Variants in ABCC12 observed in about 807,000 individuals in gnomAD.
ABCC12 encodes the protein ATP-binding cassette sub-family C member 12.
In ABCC12, 142 loss-of-function variants were observed where a neutral mutation model predicts 151.1. That is an observed-to-expected ratio of 0.94 (90% confidence interval 0.82 to 1.08). ABCC12 has a LOEUF of 1.08. Ranked by LOEUF, ABCC12 falls within the 50% of genes least tolerant of loss-of-function variation. ABCC12 has a pLI of 0.00. For missense variants in ABCC12, 1,638 were observed against 1,691.1 expected (o/e 0.97, Z 0.55); for synonymous variants, 645 against 646.4 (o/e 1.00, Z 0.03).
intron 7 of ABCC12, 27 bp downstream of exon 7, chr16:48,139,136 G>A (rs766501625): frequency 6.4e-7 from 1 of 1,559,982 alleles, no homozygotes; most frequent in Non-Finnish European, 8.7e-7. Context: ...ATACAAAGCA[G>A]TTAGAAGCGC....
Position 48,130,465 on chromosome 16 carries a change from T to C in ABCC12, c.1236+323A>G, listed in dbSNP as rs151260756. On this transcript the variant is annotated intron_variant, in intron 10 of 30. Transcript: ENST00000311303. Reference sequence around the variant, plus strand: ...CATGCCCATTAAAGAACAAACTAGGTAAAGTGGGGATGACTCAGAACAAAA... The same window carrying C: ...CATGCCCATTAAAGAACAAACTAGGCAAAGTGGGGATGACTCAGAACAAAA... 3.7e-3 allele frequency among the ~76,000 whole-genome samples: 564 copies of C among 152,256 alleles called. 2 individuals carry two copies. Among genetic ancestry groups the C allele is most frequent in the Middle Eastern group, 0.027 (8 of 294 alleles).
chr16:48,085,643 C>A lies in ABCC12; in HGVS notation c.3778G>T (p.Gly1260Trp), dbSNP rs1224375057. 1 of 1,614,172 alleles carries A rather than the reference C, an allele frequency of 6.2e-7. No individual in the cohort carries two copies. The highest frequency in any genetic ancestry group is 8.5e-7 in the Non-Finnish European group (1 of 1,180,032). The change falls in exon 29 of 31, where the codon GGG (glycine) becomes TGG (tryptophan). Residue 1260 changes from glycine to tryptophan, a missense_variant. Transcript: ENST00000311303. The stretch of plus-strand genomic sequence containing the variant: ...GCCACACAAAGCAGCTGACGTTCCC[C>A]TACTGAGAAGTTTTCTCCATTTTCT... ...VTENGENFSV[G>W]ERQLLCVARA... is the part of the protein sequence containing the mutation.
chr16:48,135,036 C>T (rs150995572), intron 8 of ABCC12, among the ~76,000 whole-genome samples: 5 of 145,968 alleles, frequency 3.4e-5, no homozygotes, highest in African/African-American at 7.6e-5. Context: ...TGGGCGAGAG[C>T]GAGACTCTGT....
At chr16:48,087,025 G>T in intron 27 of ABCC12, 1 of 519,000 alleles carries the variant, frequency 1.9e-6, no homozygotes, top group East Asian at 3.2e-5. Context: ...CTCTGCAATG[G>T]AGCAGAGACC....
chr16:48,087,955 C>T lies in ABCC12; in HGVS notation c.3606G>A (p.Gln1202=). The T allele has an allele frequency of 1.9e-6, 3 of 1,614,162 alleles. No homozygotes were observed. Among genetic ancestry groups the T allele is most frequent in the Non-Finnish European group, 2.5e-6 (3 of 1,180,014 alleles). The part of the protein sequence containing the change: ...DLRTKLTVIP[Q]DPVLFVGTVR... ...CTGTACCTACAAACAGGACAGGATCCTGTGGGATCACAGTCAGCTTGGTTC... is the reference window on the plus strand; with the variant it reads ...CTGTACCTACAAACAGGACAGGATCTTGTGGGATCACAGTCAGCTTGGTTC... The change falls in exon 27 of 31, where the codon CAG becomes CAA. Residue 1202 remains glutamine (Q), a synonymous_variant. Coordinates refer to ENST00000311303, the MANE Select transcript of ABCC12 (RefSeq NM_001393797.1).
intron 1 of ABCC12, among the ~76,000 whole-genome samples, chr16:48,154,116 C>A (rs542314042): frequency 6.6e-6 from 1 of 152,210 alleles, no homozygotes; most frequent in East Asian, 1.9e-4. Context: ...CTGTTCTTGG[C>A]ATTGTGTTTT....
At chr16:48,147,671 T>C (rs1596633076) in intron 2 of ABCC12, among the ~76,000 whole-genome samples, 1 of 152,224 alleles carries the variant, frequency 6.6e-6, no homozygotes, top group Non-Finnish European at 1.5e-5. Context: ...CTATCTCATC[T>C]GGGGCACTCT....
chr16:48,091,657 T>G (rs546284267), intron 24 of ABCC12, among the ~76,000 whole-genome samples: 1 of 152,212 alleles, frequency 6.6e-6, no homozygotes, highest in East Asian at 1.9e-4. Context: ...CAGAAAACCA[T>G]CAAGCCTGTC....
chr16:48,130,534 G>GA (rs1343558184), intron 10 of ABCC12, among the ~76,000 whole-genome samples: 1 of 152,160 alleles, frequency 6.6e-6, no homozygotes, highest in Non-Finnish European at 1.5e-5. Flanking sequence ...GATTGTTTAG[G>GA]AAAAAGAGGA....
chr16:48,124,467 G>C (rs1006305690), intron 11 of ABCC12, among the ~76,000 whole-genome samples, 183 bp from the exon 12 acceptor site: 1 of 152,234 alleles, frequency 6.6e-6, no homozygotes, highest in African/African-American at 2.4e-5. Flanking sequence ...CTGGGAGGAT[G>C]CAGGAATGTA....
Position 48,081,866 on chromosome 16 carries a change from GGTGTCCAGT to G in ABCC12, c.*1840_*1848del, listed in dbSNP as rs773909257. Among the ~76,000 whole-genome samples the G allele has an allele frequency of 7.9e-5, 12 of 152,166 alleles. No individual in the cohort carries two copies. Among genetic ancestry groups the G allele is most frequent in the Non-Finnish European group, 1.5e-4 (10 of 68,024 alleles). ...GAAATCACAGACTGATTATCTGGCT[GGTGTCCAGT>G]TGGTAGAAAGTAAAGCATCCCTCCC... On this transcript the variant is annotated 3_prime_UTR_variant, in exon 31 of 31. Coordinates refer to ENST00000311303, the MANE Select transcript of ABCC12 (RefSeq NM_001393797.1).
At chr16:48,132,116 T>G (rs756644889) in intron 9 of ABCC12, among the ~76,000 whole-genome samples, 2 of 152,216 alleles carry the variant, frequency 1.3e-5, no homozygotes, top group South Asian at 4.1e-4. Context: ...TGCTCTCAAT[T>G]TGATTTCAAG....
chr16:48,096,611 G>T, intron 24 of ABCC12, 135 bp downstream of exon 24: 1 of 897,856 alleles, frequency 1.1e-6, no homozygotes, highest in South Asian at 1.6e-5. Context: ...TTTTAATGAT[G>T]TGAGCCACTA....
At chr16:48,088,853 C>A (rs1209753790) in intron 25 of ABCC12, 119 bp from the exon 26 acceptor site, 2 of 819,776 alleles carry the variant, frequency 2.4e-6, no homozygotes, top group East Asian at 2.9e-5. Context: ...TGAAATAAAC[C>A]AATAATGACC....
In ABCC12 at chr16:48,140,775, G is replaced by A. The variant is rs535991858; in HGVS notation, c.569C>T (p.Thr190Met). 97 of 1,614,178 alleles carry A rather than the reference G, an allele frequency of 6.0e-5. No individual in the cohort carries two copies. The East Asian group carries it at 1.1e-3, about 19-fold the overall frequency. ...GAGCGCCACCTTCAACCGGATGGCC[G>A]TGCGGTAGTTGATGGCCCAGGCAAG... Reference protein sequence around the residue: ...WALAWAINYRTAIRLKVALST... With the variant: ...WALAWAINYRMAIRLKVALST... The change falls in exon 6 of 31, where the codon ACG (threonine) becomes ATG (methionine). Residue 190 changes from threonine (T) to methionine (M), a missense_variant. Coordinates refer to ENST00000311303, the MANE Select transcript of ABCC12 (RefSeq NM_001393797.1).
At chr16:48,099,505 G>A (rs1963228841) in intron 23 of ABCC12, among the ~76,000 whole-genome samples, 1 of 152,166 alleles carries the variant, frequency 6.6e-6, no homozygotes, top group Non-Finnish European at 1.5e-5. Flanking sequence ...GGGTGTGTTG[G>A]CATTTTAAGG....
At chr16:48,096,985 A>C (rs1963122642) in intron 23 of ABCC12, 83 bp from the exon 24 acceptor site, 1 of 1,559,418 alleles carries the variant, frequency 6.4e-7, no homozygotes, top group Non-Finnish European at 8.8e-7. Context: ...CTGTAGACTT[A>C]AGGTTAGGGT....
Position 48,083,724 on chromosome 16 carries a change from G to T in ABCC12, c.4071C>A (p.Val1357=). The change falls in exon 31 of 31, where the codon GTC becomes GTA. Residue 1357 remains valine, a synonymous_variant. Coordinates refer to ENST00000311303, the MANE Select transcript of ABCC12 (RefSeq NM_001393797.1). ...SAFAMLLAAE[V]RL is the part of the protein sequence containing the mutation. ...TCAGCCGCCAGGACCTCTACAATCT[G>T]ACTTCTGCTGCTAGTAACATCGCAA... is the stretch of plus-strand genomic sequence containing the variant. 6.2e-7 allele frequency: 1 copy of T among 1,614,122 alleles called. No homozygotes were observed. The highest frequency in any genetic ancestry group is 1.1e-5 in the South Asian group (1 of 91,058).
At position 48,087,929 on chromosome 16, in the gene ABCC12, AC is replaced by A; in HGVS notation, c.3631del (p.Val1211Ter). On this transcript the variant is annotated frameshift_variant, in exon 27 of 31. Coordinates refer to ENST00000311303, the MANE Select transcript of ABCC12 (RefSeq NM_001393797.1). LOFTEE classifies it high-confidence loss of function. ...CACAATGATTAAAAACAGCTACCTT[AC>A]TGTACCTACAAACAGGACAGGATCC... The part of the protein sequence containing the change: ...PQDPVLFVGT[V>X]RYNLDPFESH... The A allele has an allele frequency of 1.2e-6, 2 of 1,611,652 alleles. No individual in the cohort carries two copies. The highest frequency in any genetic ancestry group is 1.7e-6 in the Non-Finnish European group (2 of 1,178,584).
Sources: gnomAD v4.1 joint callset for allele counts (sites outside exome capture counted in the v4.1 genomes callset) on GRCh38, gnomAD v4.1.1 for gene constraint, MANE v1.5 for transcripts, NCBI Gene and HGNC (gene_info 2026-07-23, HGNC 2026-07-21) for gene names.